Variants in TBC1D30 observed in about 807,000 individuals in gnomAD.
TBC1D30 encodes the protein TBC1 domain family member 30.
TBC1D30 carries 31 observed loss-of-function variants against 63.2 expected under a neutral mutation model. That is an observed-to-expected ratio of 0.49 (90% CI 0.37 to 0.66). The LOEUF (loss-of-function observed/expected upper bound fraction) is 0.66. TBC1D30 is among the 30% of genes least tolerant of loss of function. The pLI is 0.00. For missense variants in TBC1D30, 810 were observed against 953.6 expected (o/e 0.85, Z 1.98); for synonymous variants, 307 against 361.5 (o/e 0.85, Z 1.71).
At chr12:64,810,215 T>C (rs1873126526) in intron 2 of TBC1D30, among the ~76,000 whole-genome samples, 1 of 152,162 alleles carries the variant, frequency 6.6e-6, no homozygotes, top group Non-Finnish European at 1.5e-5. Context: ...CCCATATTGG[T>C]GGGGGAGGGA....
At chr12:64,819,763 T>C (rs1385659275), upstream of TBC1D30, among the ~76,000 whole-genome samples, 1 of 152,212 alleles carries the variant, frequency 6.6e-6, no homozygotes, top group African/African-American at 2.4e-5. Context: ...CCACAGATCT[T>C]GTCTGGTTAG....
chr12:64,866,173 G>A (rs1273335369), intron 9 of TBC1D30, among the ~76,000 whole-genome samples: 1 of 152,134 alleles, frequency 6.6e-6, no homozygotes, highest in Non-Finnish European at 1.5e-5. Context: ...AGCCCGTAAA[G>A]ATTTCTTGTA....
chr12:64,809,384 A>G (rs1012852784), intron 2 of TBC1D30, among the ~76,000 whole-genome samples: 7 of 152,220 alleles, frequency 4.6e-5, no homozygotes, highest in African/African-American at 1.2e-4. Context: ...TTCACTTAGA[A>G]TAATGGTCTC....
intron 8 of TBC1D30, among the ~76,000 whole-genome samples, chr12:64,853,714 A>T (rs1224506214): frequency 6.6e-6 from 1 of 152,176 alleles, no homozygotes; most frequent in African/African-American, 2.4e-5. Context: ...TCATGGCACA[A>T]TCCCTCAAGG....
intron 1 of TBC1D30, among the ~76,000 whole-genome samples, chr12:64,760,625 C>T (rs907838061): frequency 6.6e-6 from 1 of 151,822 alleles, no homozygotes; most frequent in Non-Finnish European, 1.5e-5. Context: ...ATCCCCAGAC[C>T]GATATAACAA....
rs1565697043 is a variant in TBC1D30, at chr12:64,876,611, G to C, written c.*823G>C. On this transcript the variant is annotated 3_prime_UTR_variant, in exon 12 of 12. Transcript: ENST00000539867. ...ACTTGATGGGCTCCATGCGGAGCCT[G>C]GCCTGCATCCCCCACCACACAGCTC... 2.8e-6 allele frequency: 1 copy of C among 358,726 alleles called. No homozygotes were observed. The highest frequency in any genetic ancestry group is 7.4e-5 in the East Asian group (1 of 13,578). 22.2% of individuals were successfully genotyped at this position (358,726 alleles called of 1,614,324 possible).
intron 10 of TBC1D30, among the ~76,000 whole-genome samples, chr12:64,867,482 T>C (rs551003138): frequency 6.6e-6 from 1 of 151,938 alleles, no homozygotes; most frequent in Non-Finnish European, 1.5e-5. Context: ...AAATTGTTAC[T>C]AAAAGTATCT....
At chr12:64,791,436 A>C (rs1052513852) in intron 2 of TBC1D30, among the ~76,000 whole-genome samples, 2 of 152,232 alleles carry the variant, frequency 1.3e-5, no homozygotes, top group Non-Finnish European at 2.9e-5. Flanking sequence ...AAAATACAGA[A>C]ATGTAAAAGG....
chr12:64,842,408 C>T (rs570510161), intron 7 of TBC1D30, among the ~76,000 whole-genome samples: 2 of 152,244 alleles, frequency 1.3e-5, no homozygotes, highest in South Asian at 2.1e-4. Context: ...ATACCTGGTA[C>T]TCTTTGTTTT....
At chr12:64,840,946 G>T (rs971362955) in intron 7 of TBC1D30, among the ~76,000 whole-genome samples, 1 of 152,156 alleles carries the variant, frequency 6.6e-6, no homozygotes. Flanking sequence ...ATTGTGTTAG[G>T]CAGTTTAAAC....
intron 8 of TBC1D30, among the ~76,000 whole-genome samples, chr12:64,858,765 A>G (rs1440686912): frequency 6.6e-6 from 1 of 152,200 alleles, no homozygotes; most frequent in Non-Finnish European, 1.5e-5. Flanking sequence ...CTCTAATGTC[A>G]GGTAATGTGC....
Position 64,876,108 on chromosome 12 carries a change from C to A in TBC1D30, c.*320C>A. On this transcript the variant is annotated 3_prime_UTR_variant, in exon 12 of 12. Coordinates refer to ENST00000539867, the MANE Select transcript of TBC1D30 (RefSeq NM_015279.2). ...AGATTGTTAACTCTCGTCCATCCTTCTGTTCTGGGGGCCTTCAGAGTCCCT... is the reference window on the plus strand; with the variant it reads ...AGATTGTTAACTCTCGTCCATCCTTATGTTCTGGGGGCCTTCAGAGTCCCT... 1 of 247,574 alleles carries A rather than the reference C, an allele frequency of 4.0e-6. No individual in the cohort carries two copies. The highest frequency in any genetic ancestry group is 7.7e-6 in the Non-Finnish European group (1 of 129,594). 15.3% of individuals were successfully genotyped at this position (247,574 alleles called of 1,614,324 possible).
At chr12:64,857,566 T>C (rs1877415050) in intron 8 of TBC1D30, among the ~76,000 whole-genome samples, 1 of 152,158 alleles carries the variant, frequency 6.6e-6, no homozygotes, top group African/African-American at 2.4e-5. Context: ...GGGGGAGGGA[T>C]GGCGCAAGCC....
chr12:64,780,613 G>C (rs938527204), exon 1 of TBC1D30, among the ~76,000 whole-genome samples: 1 of 152,172 alleles, frequency 6.6e-6, no homozygotes, highest in Non-Finnish European at 1.5e-5. Flanking sequence ...TCTCCTTCTC[G>C]CCCGGTCCGG....
At position 64,876,478 on chromosome 12, in the gene TBC1D30, G is replaced by A. The variant is rs554182353; in HGVS notation, c.*690G>A. The A allele has an allele frequency of 4.6e-4, 112 of 243,496 alleles. 1 individual carries two copies. The highest frequency in any genetic ancestry group is 3.4e-3 in the South Asian group (58 of 17,054). 15.1% of individuals were successfully genotyped at this position (243,496 alleles called of 1,614,324 possible). On this transcript the variant is annotated 3_prime_UTR_variant, in exon 12 of 12. Coordinates refer to ENST00000539867, the MANE Select transcript of TBC1D30 (RefSeq NM_015279.2). ...AGATCTTATGCACAGGACACACTTG[G>A]CATATGCTTTACGCAGTTGCTCCGG... is the stretch of plus-strand genomic sequence containing the variant.
At chr12:64,810,520 G>A (rs185373394) in intron 2 of TBC1D30, among the ~76,000 whole-genome samples, 1 of 152,222 alleles carries the variant, frequency 6.6e-6, no homozygotes, top group East Asian at 1.9e-4. Context: ...GGAGAATCAC[G>A]TGAACCTGGG....
At chr12:64,785,147 C>CTTTTTTTTTTTTTTTTTT (rs3033154) in intron 1 of TBC1D30, among the ~76,000 whole-genome samples, 1 of 134,844 alleles carries the variant, frequency 7.4e-6, no homozygotes, top group Non-Finnish European at 1.6e-5. Context: ...ACTTTAAAGA[C>CTTTTTTTTTTTTTTTTTT]TTTTTTTTTT....
In TBC1D30 at chr12:64,824,758, C is replaced by G. The variant is rs1197173568; in HGVS notation, c.-122C>G. 5.2e-6 allele frequency: 7 copies of G among 1,347,356 alleles called. No individual in the cohort carries two copies. Among genetic ancestry groups the G allele is most frequent in the Non-Finnish European group, 6.9e-6 (7 of 1,017,342 alleles). 83.5% of individuals were successfully genotyped at this position (1,347,356 alleles called of 1,614,324 possible). A position where few individuals can be genotyped will look rare whatever the true frequency, so the allele number is the denominator to read the frequency against. On this transcript the variant is annotated 5_prime_UTR_variant, in exon 1 of 12. Transcript: ENST00000539867. ...CCAGCACCAGCCGGCTGTGCGCTCC[C>G]TGCTCCCACGGGCCGGTCAGCCGCA...
chr12:64,771,692 A>C (rs1870911082), intron 1 of TBC1D30, among the ~76,000 whole-genome samples: 1 of 152,218 alleles, frequency 6.6e-6, no homozygotes, highest in Non-Finnish European at 1.5e-5. Flanking sequence ...TGCAAGGTAG[A>C]AATGGATGAT....
Sources: gnomAD v4.1 joint callset for allele counts (sites outside exome capture counted in the v4.1 genomes callset) on GRCh38, gnomAD v4.1.1 for gene constraint, MANE v1.5 for transcripts, NCBI Gene and HGNC (gene_info 2026-07-23, HGNC 2026-07-21) for gene names.